TMPRSS12: variants seen among roughly 807,000 people sequenced by gnomAD.
TMPRSS12 encodes transmembrane protease serine 12.
TMPRSS12 carries 25 observed loss-of-function variants against 26.0 expected under a neutral mutation model. That is an observed-to-expected ratio of 0.96 (90% CI 0.70 to 1.34). TMPRSS12 has a LOEUF of 1.34. Ranked by LOEUF, TMPRSS12 falls within the 40% of genes most tolerant of loss-of-function variation. TMPRSS12 has a pLI of 0.00. For missense variants in TMPRSS12, 441 were observed against 440.1 expected, an observed-to-expected ratio of 1.00 and a Z score of -0.02; for synonymous variants, 150 against 161.7, an observed-to-expected ratio of 0.93 and a Z score of 0.55.
At chr12:50,868,899 T>C (rs921391118) in intron 3 of TMPRSS12, among the ~76,000 whole-genome samples, 9 of 152,102 alleles carry the variant, frequency 5.9e-5, no homozygotes, top group Admixed American at 1.3e-4. Flanking sequence ...TGAATAATCA[T>C]TGGGTCAAAA....
At chr12:50,884,195 T>C (rs181371275) in intron 3 of TMPRSS12, among the ~76,000 whole-genome samples, 45 of 152,274 alleles carry the variant, frequency 3.0e-4, no homozygotes, top group Non-Finnish European at 6.0e-4. Context: ...CAAACATCAT[T>C]ACAGTAAAAC....
chr12:50,879,174 T>C (rs939732356), intron 3 of TMPRSS12, among the ~76,000 whole-genome samples: 3 of 152,196 alleles, frequency 2.0e-5, no homozygotes, highest in African/African-American at 7.2e-5. Context: ...AAATGGATCA[T>C]AGACCTAAGT....
chr12:50,881,733 G>A (rs1938164824), intron 3 of TMPRSS12, among the ~76,000 whole-genome samples: 1 of 151,524 alleles, frequency 6.6e-6, no homozygotes, highest in East Asian at 1.9e-4. Flanking sequence ...CACTTTGGGA[G>A]GCTGAGACGG....
rs62637839 is a variant in TMPRSS12, at chr12:50,872,730, A to G, written c.653-12516A>G. ...ATGTGTACATATATATGACGTATAT[A>G]TGTACATATATATACGTCTATATAT... On this transcript the variant is annotated intron_variant, in intron 3 of 4. Transcript: ENST00000398458. 6.5e-3 allele frequency among the ~76,000 whole-genome samples: 325 copies of G among 49,910 alleles called. 4 individuals are homozygous for G. Among genetic ancestry groups the G allele is most frequent in the Non-Finnish European group, 9.3e-3 (205 of 22,012 alleles). 32.7% of individuals were successfully genotyped at this position (49,910 alleles called of 152,430 possible).
intron 2 of TMPRSS12, among the ~76,000 whole-genome samples, chr12:50,850,107 A>T (rs1257246306): frequency 7.9e-5 from 12 of 152,110 alleles, no homozygotes. Flanking sequence ...ACAGTATTGC[A>T]TTGTACGATG....
At chr12:50,865,500 A>C (rs1937982619) in intron 3 of TMPRSS12, among the ~76,000 whole-genome samples, 1 of 152,208 alleles carries the variant, frequency 6.6e-6, no homozygotes, top group African/African-American at 2.4e-5. Flanking sequence ...GAATGAGAAA[A>C]TCTAATATAC....
At chr12:50,874,850 C>T (rs1464152829) in intron 3 of TMPRSS12, among the ~76,000 whole-genome samples, 1 of 90,442 alleles carries the variant, frequency 1.1e-5, no homozygotes, top group African/African-American at 3.9e-5. Context: ...AACAAACATA[C>T]AAAAAAATCC....
chr12:50,885,363 A>AAGAT lies in TMPRSS12; in HGVS notation c.771_774dup (p.Gly259ArgfsTer5). The AAGAT allele has an allele frequency of 6.2e-7, 1 of 1,613,844 alleles. No homozygotes were observed. Among genetic ancestry groups the AAGAT allele is most frequent in the Middle Eastern group, 1.7e-4 (1 of 6,058 alleles). On this transcript the variant is annotated frameshift_variant, in exon 4 of 5. Transcript: ENST00000398458. LOFTEE classifies it low-confidence loss of function (END_TRUNC). Reference sequence around the variant, plus strand: ...AACACTTCATTTTGTGCAGGTGATGAAGATGGAGCTTTTGATACTTGCAGG... The same window carrying AAGAT: ...AACACTTCATTTTGTGCAGGTGATGAAGATAGATGGAGCTTTTGATACTTGCAGG...
rs772699677 is a variant in TMPRSS12, at chr12:50,887,534, T to A, written c.*21T>A. On this transcript the variant is annotated 3_prime_UTR_variant, in exon 5 of 5. Coordinates refer to ENST00000398458, the MANE Select transcript of TMPRSS12 (RefSeq NM_182559.3). ...CATAAAGAAATTCTGAAGGCTTTCA[T>A]ATCTTTATTTTGCATTGTGTCCCTT... 1 of 1,602,380 alleles carries A rather than the reference T, an allele frequency of 6.2e-7. No homozygotes were observed.
At chr12:50,853,467 A>G (rs1937845000) in intron 2 of TMPRSS12, among the ~76,000 whole-genome samples, 1 of 152,020 alleles carries the variant, frequency 6.6e-6, no homozygotes, top group African/African-American at 2.4e-5. Context: ...AGAATTAACC[A>G]AAATCACAGC....
intron 3 of TMPRSS12, among the ~76,000 whole-genome samples, chr12:50,883,484 G>T (rs1436554702): frequency 6.6e-6 from 1 of 152,108 alleles, no homozygotes; most frequent in African/African-American, 2.4e-5. Context: ...GCCCATTCAA[G>T]AATGGCCTGG....
At chr12:50,853,581 C>CCAAAAA (rs1937846673) in intron 2 of TMPRSS12, among the ~76,000 whole-genome samples, 1 of 102,404 alleles carries the variant, frequency 9.8e-6, no homozygotes, top group African/African-American at 3.6e-5. Context: ...GCTAGACTAA[C>CCAAAAA]AAAAAAAAAA....
chr12:50,858,940 C>T lies in TMPRSS12; in HGVS notation c.539C>T (p.Ala180Val). 6.3e-7 allele frequency: 1 copy of T among 1,589,058 alleles called. No individual in the cohort carries two copies. Among genetic ancestry groups the T allele is most frequent in the Non-Finnish European group, 8.6e-7 (1 of 1,166,342 alleles). The change falls in exon 3 of 5, where the codon GCA becomes GTA. Residue 180 changes from alanine (A) to valine (V), a missense_variant. Physicochemically the swap from Ala to Val is moderately conservative, Grantham distance 64 (BLOSUM62 0). Coordinates refer to ENST00000398458, the MANE Select transcript of TMPRSS12 (RefSeq NM_182559.3). ...ATTGCACTTTTTCACTTAAAAAAAG[C>T]AGTGAGGTATAATGACTATATTCAG... is the stretch of plus-strand genomic sequence containing the variant. ...NDIALFHLKK[A>V]VRYNDYIQPI... is the part of the protein sequence containing the mutation.
intron 3 of TMPRSS12, among the ~76,000 whole-genome samples, chr12:50,872,663 A>ATG (rs1337978016): frequency 6.5e-5 from 6 of 92,954 alleles, no homozygotes; most frequent in African/African-American, 2.0e-4. Flanking sequence ...TATGACGTAT[A>ATG]TGTACATATA....
At chr12:50,848,980 T>G (rs1014394625) in intron 2 of TMPRSS12, among the ~76,000 whole-genome samples, 12 of 152,212 alleles carry the variant, frequency 7.9e-5, no homozygotes, top group African/African-American at 2.9e-4. Flanking sequence ...TCCTCCCACT[T>G]CAGCCTCCCC....
At chr12:50,859,177 G>C (rs1205658898) in intron 3 of TMPRSS12, 124 bp downstream of exon 3, 5 of 866,866 alleles carry the variant, frequency 5.8e-6, no homozygotes, top group Non-Finnish European at 8.4e-6. Context: ...CCACACACAC[G>C]ATGGTGGTCT....
intron 2 of TMPRSS12, among the ~76,000 whole-genome samples, chr12:50,846,780 A>T (rs373487958): frequency 6.6e-6 from 1 of 151,860 alleles, no homozygotes; most frequent in African/African-American, 2.4e-5. Flanking sequence ...GAGTTTCACT[A>T]TGTTGCCCAG....
intron 2 of TMPRSS12, chr12:50,848,242 G>A (rs1404553061): frequency 6.6e-6 from 1 of 150,742 alleles, no homozygotes; most frequent in African/African-American, 2.4e-5. Context: ...TTGGATGCTT[G>A]TTATTATAAA....
rs937765543 is a variant in TMPRSS12 at position 50,843,157 on chromosome 12, A to C, written c.187+6A>C. ...GGGAGGGGCGCATGCAGAGGGCAGT[A>C]CCTGTTCGTGCCTGTCTCTGGGGAG... On this transcript the variant is annotated splice_donor_region_variant and intron_variant, in intron 1 of 4. Transcript: ENST00000398458. The C allele has an allele frequency of 6.4e-7, 1 of 1,552,502 alleles. No individual in the cohort carries two copies. Among genetic ancestry groups the C allele is most frequent in the South Asian group, 1.2e-5 (1 of 84,028 alleles).
Sources: allele counts gnomAD v4.1 joint callset (sites outside exome capture counted in the v4.1 genomes callset), GRCh38; gene constraint gnomAD v4.1.1; transcripts MANE v1.5; gene names NCBI Gene and HGNC (gene_info 2026-07-23, HGNC 2026-07-21).